ZNF66: variants seen among roughly 807,000 people sequenced by gnomAD.
The protein encoded by ZNF66 is zinc finger protein 66.
In ZNF66, 32 loss-of-function variants were observed where a neutral mutation model predicts 35.2. That is an observed-to-expected ratio of 0.91 (90% CI 0.69 to 1.22). The LOEUF is 1.22. ZNF66 is among the 50% of genes most tolerant of loss of function. The probability of loss-of-function intolerance (pLI) is 0.00; values close to 1 mark genes in which losing one functional copy is unlikely to be tolerated. For synonymous variants in ZNF66, 231 were observed against 181.3 expected (o/e 1.27, Z -2.20); for missense variants, 666 against 543.1 (o/e 1.23, Z -2.25).
At position 20,806,874 on chromosome 19, in the gene ZNF66, A is replaced by G. The variant is rs955198867; in HGVS notation, c.1274A>G (p.Tyr425Cys). 1.5e-6 allele frequency: 2 copies of G among 1,350,528 alleles called. No homozygotes were observed. The highest frequency in any genetic ancestry group is 2.9e-5 in the African/African-American group (2 of 69,766). 83.7% of individuals were successfully genotyped at this position (1,350,528 alleles called of 1,614,324 possible). A position where few individuals can be genotyped will look rare whatever the true frequency, so the allele number is the denominator to read the frequency against. ...HKRIHTGEKP[Y>C]KCEECGKAFS... ...AGAATTCATACTGGAGAGAAACCCTACAAATGTGAAGAATGTGGCAAAGCC... is the reference window on the plus strand; with the variant it reads ...AGAATTCATACTGGAGAGAAACCCTGCAAATGTGAAGAATGTGGCAAAGCC... Residue 425 changes from tyrosine (Y) to cysteine (C), a missense_variant, in exon 4 of 4, where the codon TAC (tyrosine) becomes TGC (cysteine). Physicochemically the swap from Tyr to Cys is radical, Grantham distance 194. Coordinates refer to ENST00000344519, the MANE Select transcript of ZNF66 (RefSeq NM_001355197.2).
At position 20,794,002 on chromosome 19, in the gene ZNF66, T is replaced by G. The variant is rs868851869; in HGVS notation, c.226+124T>G. 2.8e-5 allele frequency: 14 copies of G among 506,618 alleles called. No homozygotes were observed. The Middle Eastern group carries it at 1.1e-3, about 41-fold the overall frequency. 31.4% of individuals were successfully genotyped at this position (506,618 alleles called of 1,614,324 possible). A position where few individuals can be genotyped will look rare whatever the true frequency, so the allele number is the denominator to read the frequency against. ...CCAAAGGAACTTCTGGGCAGCTGTT[T>G]TTTTTGTTTTTTGTTTTTGTTTTTG... On this transcript the variant is annotated intron_variant, in intron 3 of 3. Coordinates refer to ENST00000344519, the MANE Select transcript of ZNF66 (RefSeq NM_001355197.2).
chr19:20,784,131 C>T (rs1353027953), intron 1 of ZNF66, among the ~76,000 whole-genome samples: 4 of 152,240 alleles, frequency 2.6e-5, no homozygotes, highest in Non-Finnish European at 5.9e-5. Context: ...GCTGGGATTA[C>T]AGGGGTGAGC....
At chr19:20,780,364 T>C (rs747112985) in intron 1 of ZNF66, among the ~76,000 whole-genome samples, 6 of 152,204 alleles carry the variant, frequency 3.9e-5, no homozygotes, top group Non-Finnish European at 7.3e-5. Flanking sequence ...ATTTCTCCCA[T>C]TTGGCTTTTC....
At chr19:20,791,491 A>AG (rs1971336898) in intron 1 of ZNF66, among the ~76,000 whole-genome samples, 1 of 150,830 alleles carries the variant, frequency 6.6e-6, no homozygotes, top group Non-Finnish European at 1.5e-5. Context: ...ATCTCAAAAA[A>AG]AAAAAAAAAA....
rs1451736267 is a variant in ZNF66, at chr19:20,809,709, C to G, written c.*2387C>G. Among the ~76,000 whole-genome samples, 1 of 151,980 alleles carries G rather than the reference C, an allele frequency of 6.6e-6. No individual in the cohort carries two copies. Among genetic ancestry groups the G allele is most frequent in the Non-Finnish European group, 1.5e-5 (1 of 68,010 alleles). On this transcript the variant is annotated 3_prime_UTR_variant, in exon 4 of 4. Transcript: ENST00000344519. Reference sequence around the variant, plus strand: ...TAAACATGGAAAGGAACAACTGATACCAGCCGCTGCAAAATCATGCCAAAA... The same window carrying G: ...TAAACATGGAAAGGAACAACTGATAGCAGCCGCTGCAAAATCATGCCAAAA...
At chr19:20,779,211 T>TA (rs61704326) in intron 1 of ZNF66, among the ~76,000 whole-genome samples, 14 of 151,166 alleles carry the variant, frequency 9.3e-5, no homozygotes, top group South Asian at 6.3e-4. Flanking sequence ...TAGATTTATG[T>TA]AAAAAAAAAA....
At chr19:20,784,970 G>C (rs1035778230) in intron 1 of ZNF66, 1 of 152,846 alleles carries the variant, frequency 6.5e-6, no homozygotes, top group African/African-American at 2.4e-5. Context: ...TGAATGAGGT[G>C]GGTTGTCACA....
At position 20,806,013 on chromosome 19, in the gene ZNF66, C is replaced by T. The variant is rs189269002; in HGVS notation, c.413C>T (p.Thr138Ile). 8.3e-5 allele frequency: 67 copies of T among 811,036 alleles called. No individual in the cohort carries two copies. The highest frequency in any genetic ancestry group is 5.6e-4 in the South Asian group (38 of 67,798). 50.2% of individuals were successfully genotyped at this position (811,036 alleles called of 1,614,324 possible). The change falls in exon 4 of 4, where the codon ACA (threonine) becomes ATA (isoleucine). Residue 138 changes from threonine (T) to isoleucine (I), a missense_variant. Transcript: ENST00000344519. ...TATAATGGACTTAACCAATGTTTGA[C>T]AACTACCCAAAGCAAAATGTTTCAA... is the stretch of plus-strand genomic sequence containing the variant. ...RGYNGLNQCL[T>I]TTQSKMFQCD...
intron 3 of ZNF66, among the ~76,000 whole-genome samples, chr19:20,798,382 G>C (rs986396570): frequency 6.6e-6 from 1 of 151,826 alleles, no homozygotes; most frequent in Non-Finnish European, 1.5e-5. Flanking sequence ...GAGGATACCT[G>C]GAGCCCAAAA....
At chr19:20,776,963 A>C (rs1005528826) in intron 1 of ZNF66, among the ~76,000 whole-genome samples, 1 of 152,060 alleles carries the variant, frequency 6.6e-6, no homozygotes, top group African/African-American at 2.4e-5. Context: ...AAAAATACAA[A>C]AATTAGGTGG....
At chr19:20,794,662 T>G (rs1321376539) in intron 3 of ZNF66, 1 of 151,856 alleles carries the variant, frequency 6.6e-6, no homozygotes, top group East Asian at 1.9e-4. Flanking sequence ...GGTTAATTTT[T>G]TTCTCAGGAA....
intron 3 of ZNF66, among the ~76,000 whole-genome samples, chr19:20,796,731 CTATTTA>C (rs1179960040): frequency 3.3e-5 from 5 of 152,158 alleles, no homozygotes; most frequent in African/African-American, 1.2e-4. Context: ...TTAGAATCTT[CTATTTA>C]TAATTATACT....
At chr19:20,795,898 G>A (rs1302127241) in intron 3 of ZNF66, among the ~76,000 whole-genome samples, 1 of 152,142 alleles carries the variant, frequency 6.6e-6, no homozygotes, top group Non-Finnish European at 1.5e-5. Context: ...ATTCTCAGTG[G>A]GACCAAGTTG....
intron 1 of ZNF66, among the ~76,000 whole-genome samples, chr19:20,781,745 T>C (rs959433709): frequency 6.6e-6 from 1 of 152,092 alleles, no homozygotes; most frequent in Non-Finnish European, 1.5e-5. Flanking sequence ...TAACCTCAAG[T>C]GATCAACCCA....
At chr19:20,777,452 A>ATTTTTTTTTTTTT (rs756548895) in intron 1 of ZNF66, among the ~76,000 whole-genome samples, 1 of 123,148 alleles carries the variant, frequency 8.1e-6, no homozygotes. Context: ...TTGAGCTTAG[A>ATTTTTTTTTTTTT]TTTTTTTTTT....
chr19:20,776,323 G>T lies in ZNF66; in HGVS notation c.-125G>T. 1 of 1,422,436 alleles carries T rather than the reference G, an allele frequency of 7.0e-7. No homozygotes were observed. The highest frequency in any genetic ancestry group is 9.9e-7 in the Non-Finnish European group (1 of 1,010,328). 88.1% of individuals were successfully genotyped at this position (1,422,436 alleles called of 1,614,324 possible). A position where few individuals can be genotyped will look rare whatever the true frequency, so the allele number is the denominator to read the frequency against. ...GTCTTTGTCTCTCCCTGCAGCTGGA[G>T]CTCCAGGTCGTCTGTTCACTGCTCT... On this transcript the variant is annotated 5_prime_UTR_variant, in exon 1 of 4. Coordinates refer to ENST00000344519, the MANE Select transcript of ZNF66 (RefSeq NM_001355197.2).
chr19:20,781,788 G>C (rs918789812), intron 1 of ZNF66, among the ~76,000 whole-genome samples: 1 of 151,982 alleles, frequency 6.6e-6, no homozygotes, highest in African/African-American at 2.4e-5. Context: ...GATTACAGGT[G>C]TGAGCACTGC....
intron 3 of ZNF66, among the ~76,000 whole-genome samples, chr19:20,805,126 T>TGTGTGTGTGTGTGA (rs752355466): frequency 1.4e-5 from 2 of 146,082 alleles, no homozygotes; most frequent in African/African-American, 5.1e-5. Flanking sequence ...TGTGTGTGTG[T>TGTGTGTGTGTGTGA]GAGAGAGAGA....
intron 1 of ZNF66, among the ~76,000 whole-genome samples, chr19:20,779,918 A>C (rs953500518): frequency 2.2e-5 from 3 of 135,786 alleles, no homozygotes; most frequent in African/African-American, 8.2e-5. Context: ...ACGAGAGTGA[A>C]ACTCTGTCTC....
Sources: allele counts gnomAD v4.1 joint callset (sites outside exome capture counted in the v4.1 genomes callset), GRCh38; gene constraint gnomAD v4.1.1; transcripts MANE v1.5; gene names NCBI Gene and HGNC (gene_info 2026-07-23, HGNC 2026-07-21).